Variants in NAT10 observed in about 807,000 individuals in gnomAD.
NAT10 encodes RNA cytidine acetyltransferase.
In NAT10, 109 loss-of-function variants were observed where a neutral mutation model predicts 132.2. The ratio of observed to expected loss-of-function variants is 0.82; its 90% confidence interval spans 0.71 to 0.97. NAT10 has a LOEUF of 0.97. Ranked by LOEUF, NAT10 falls within the 50% of genes least tolerant of loss-of-function variation. The pLI, the probability that NAT10 is intolerant of heterozygous loss-of-function variation, is 0.00. For synonymous variants in NAT10, 479 were observed against 478.0 expected, an observed-to-expected ratio of 1.00 and a Z score of -0.03; for missense variants, 1,184 against 1,263.4, an observed-to-expected ratio of 0.94 and a Z score of 0.95.
rs1851631695 is a variant in NAT10, at chr11:34,108,273, T to C, written c.48T>C (p.Asn16=). Residue 16 remains asparagine, a synonymous_variant, in exon 2 of 29, where the codon AAT becomes AAC. Transcript: ENST00000257829. ...VDNRIRILIE[N]GVAERQRSLF... ...ACCGAATCCGGATTCTCATTGAGAA[T>C]GGAGTAGCTGAGCGGCAAAGATCTC... 1 of 1,614,186 alleles carries C rather than the reference T, an allele frequency of 6.2e-7. No homozygotes were observed. The highest frequency in any genetic ancestry group is 8.5e-7 in the Non-Finnish European group (1 of 1,180,016).
intron 21 of NAT10, 131 bp from the exon 22 acceptor site, chr11:34,139,060 C>A: frequency 1.3e-6 from 1 of 790,152 alleles, no homozygotes; most frequent in Non-Finnish European, 2.1e-6. Flanking sequence ...GGCGCCTACC[C>A]CCAGCCTGGA....
At chr11:34,134,183 A>T in intron 16 of NAT10, 136 bp from the exon 17 acceptor site, 1 of 711,422 alleles carries the variant, frequency 1.4e-6, no homozygotes. Context: ...GGGGGAATGG[A>T]TGTGTCAGTG....
chr11:34,141,899 C>G, intron 26 of NAT10, 82 bp downstream of exon 26: 1 of 1,197,656 alleles, frequency 8.3e-7, no homozygotes, highest in Non-Finnish European at 1.2e-6. Context: ...TCTTCCCCTT[C>G]CCCTTTAGAA....
At chr11:34,110,239 C>T (rs1276539625) in intron 3 of NAT10, among the ~76,000 whole-genome samples, 4 of 152,122 alleles carry the variant, frequency 2.6e-5, no homozygotes, top group Non-Finnish European at 4.4e-5. Context: ...TCCAAATGTG[C>T]TCATCTCCGA....
At position 34,124,404 on chromosome 11, in the gene NAT10, A is replaced by G; in HGVS notation, c.1107+4A>G. 6.2e-7 allele frequency: 1 copy of G among 1,609,726 alleles called. No homozygotes were observed. Among genetic ancestry groups the G allele is most frequent in the Non-Finnish European group, 8.5e-7 (1 of 1,176,622 alleles). On this transcript the variant is annotated splice_donor_region_variant and intron_variant, in intron 11 of 28. Transcript: ENST00000257829. ...AGAACACAGGCAGACTATTCAGGTGAGGCTTGTTCTCAGACCCTGATGTGC... is the reference window on the plus strand; with the variant it reads ...AGAACACAGGCAGACTATTCAGGTGGGGCTTGTTCTCAGACCCTGATGTGC...
intron 28 of NAT10, among the ~76,000 whole-genome samples, chr11:34,144,107 T>C (rs1446737831): frequency 6.6e-6 from 1 of 152,184 alleles, no homozygotes; most frequent in Non-Finnish European, 1.5e-5. Context: ...AAAGGACTTT[T>C]GTTGGTTATA....
rs1040409543 is a variant in NAT10 at position 34,105,629 on chromosome 11, A to G, written c.-179A>G. 1.3e-5 allele frequency: 2 copies of G among 152,342 alleles called. No individual in the cohort carries two copies. Among genetic ancestry groups the G allele is most frequent in the African/African-American group, 2.4e-5 (1 of 41,484 alleles). 9.4% of individuals were successfully genotyped at this position (152,342 alleles called of 1,614,324 possible). A position where few individuals can be genotyped will look rare whatever the true frequency, so the allele number is the denominator to read the frequency against. On this transcript the variant is annotated 5_prime_UTR_variant, in exon 1 of 29. Coordinates refer to ENST00000257829, the MANE Select transcript of NAT10 (RefSeq NM_024662.3). The stretch of plus-strand genomic sequence containing the variant: ...TGCGCTTGCGCACGTGCTGTCTACC[A>G]GTTCCTGAGAGGGACGCGTGCCGCG...
At chr11:34,132,028 C>T (rs1852115067) in intron 14 of NAT10, 97 bp from the exon 15 acceptor site, 4 of 895,776 alleles carry the variant, frequency 4.5e-6, no homozygotes, top group African/African-American at 3.3e-5. Context: ...ACACTGAGCT[C>T]CTGTTCCCAG....
At chr11:34,135,434 T>C (rs1852191189) in intron 19 of NAT10, 143 bp downstream of exon 19, 3 of 666,254 alleles carry the variant, frequency 4.5e-6, no homozygotes, top group Admixed American at 5.1e-5. Context: ...CCGAACACTT[T>C]AGATCCTCAG....
intron 27 of NAT10, 73 bp from the exon 28 acceptor site, chr11:34,143,372 A>G (rs1852375489): frequency 5.4e-6 from 7 of 1,287,552 alleles, no homozygotes; most frequent in African/African-American, 3.0e-5. Context: ...GAATGTTGTC[A>G]CTGTCGTTAT....
Position 34,118,424 on chromosome 11 carries a change from A to C in NAT10, c.701A>C (p.Glu234Ala), listed in dbSNP as rs761289589. The change falls in exon 8 of 29, where the codon GAG becomes GCG. Residue 234 changes from glutamate (E) to alanine (A), a missense_variant. Glu to Ala is a moderately radical substitution (Grantham distance 107). Coordinates refer to ENST00000257829, the MANE Select transcript of NAT10 (RefSeq NM_024662.3). ...PDESLGPSDL[E>A]LRELKESLQD... ...GAGAGTCTTGGTCCTTCTGATCTGG[A>C]GCTGAGGGAGTTGAAGGAGAGCTTG... 1 of 1,613,942 alleles carries C rather than the reference A, an allele frequency of 6.2e-7. No individual in the cohort carries two copies. The highest frequency in any genetic ancestry group is 1.1e-5 in the South Asian group (1 of 91,070).
At chr11:34,138,436 C>T (rs1161850901) in intron 21 of NAT10, among the ~76,000 whole-genome samples, 11 of 152,136 alleles carry the variant, frequency 7.2e-5, no homozygotes, top group Non-Finnish European at 1.5e-5. Flanking sequence ...CAGTGTCCGT[C>T]CGAGGGTTTA....
At position 34,130,941 on chromosome 11, in the gene NAT10, C is replaced by T. The variant is rs369519232; in HGVS notation, c.1369+4C>T. 1.4e-4 allele frequency: 228 copies of T among 1,613,832 alleles called. 1 individual carries two copies. The African/African-American group carries it at 2.9e-3, about 21-fold the overall frequency. On this transcript the variant is annotated splice_donor_region_variant and intron_variant, in intron 13 of 28. Coordinates refer to ENST00000257829, the MANE Select transcript of NAT10 (RefSeq NM_024662.3). ...ACGACAGCCAGATTGGCATCAGGTA[C>T]CCCAGAACCTGACCCGGGTCCCGCG...
At position 34,144,332 on chromosome 11, in the gene NAT10, C is replaced by T. The variant is rs73500472; in HGVS notation, c.2969+804C>T. Among the ~76,000 whole-genome samples the T allele has an allele frequency of 2.6e-3, 392 of 152,228 alleles. 3 individuals carry two copies. Among genetic ancestry groups the T allele is most frequent in the African/African-American group, 8.8e-3 (366 of 41,510 alleles). On this transcript the variant is annotated intron_variant, in intron 28 of 28. Transcript: ENST00000257829. ...GAAATTTAAAAAAAATTCATTTGTT[C>T]ACAGTAATAACGGACTCAGTCGTTT...
chr11:34,139,153 G>C (rs1271964380), intron 21 of NAT10, 38 bp from the exon 22 acceptor site: 5 of 1,561,442 alleles, frequency 3.2e-6, no homozygotes, highest in South Asian at 1.1e-5. Context: ...TCAAAAAAAG[G>C]GGGTTCTTGG....
At position 34,139,500 on chromosome 11, in the gene NAT10, G is replaced by A. The variant is rs1438538196; in HGVS notation, c.2419+5G>A. 1.2e-6 allele frequency: 2 copies of A among 1,611,650 alleles called. No individual in the cohort carries two copies. The highest frequency in any genetic ancestry group is 1.3e-5 in the African/African-American group (1 of 74,866). On this transcript the variant is annotated splice_donor_5th_base_variant and intron_variant, in intron 23 of 28. Transcript: ENST00000257829. ...TGGGGAAGCCAGCCCAGCCTGGTGA[G>A]CCGGGTGGGGACAGGGAGGAGGGTT...
At chr11:34,132,071 T>C (rs1852116116) in intron 14 of NAT10, 54 bp from the exon 15 acceptor site, 14 of 1,325,696 alleles carry the variant, frequency 1.1e-5, no homozygotes, top group Non-Finnish European at 1.5e-5. Context: ...CAGAGAGTAG[T>C]ATGACCTGTC....
chr11:34,137,048 G>A, intron 21 of NAT10, 22 bp downstream of exon 21: 1 of 1,614,072 alleles, frequency 6.2e-7, no homozygotes, highest in Non-Finnish European at 8.5e-7. Context: ...ATCCAGCAGA[G>A]GAGAAGTTTA....
At chr11:34,139,775 G>A (rs1241705056) in intron 23 of NAT10, among the ~76,000 whole-genome samples, 1 of 152,154 alleles carries the variant, frequency 6.6e-6, no homozygotes, top group African/African-American at 2.4e-5. Flanking sequence ...CTGTGCTCTA[G>A]GGGAGTGAGG....
Sources: gnomAD v4.1 joint callset for allele counts (sites outside exome capture counted in the v4.1 genomes callset) on GRCh38, gnomAD v4.1.1 for gene constraint, MANE v1.5 for transcripts, NCBI Gene and HGNC (gene_info 2026-07-23, HGNC 2026-07-21) for gene names.